The following CHD2 variants were observed in gnomAD, a reference collection of about 807,000 sequenced individuals.
CHD2 encodes the protein chromodomain helicase DNA binding protein 2.
Under a neutral mutation model 243.9 loss-of-function variants are expected in CHD2, and 28 were observed. That is an observed-to-expected ratio of 0.11 (90% CI 0.09 to 0.16). CHD2 has a LOEUF of 0.16. Ranked by LOEUF, CHD2 falls within the 10% of genes least tolerant of loss-of-function variation. CHD2 has a pLI of 1.00. For missense variants in CHD2, 1,386 were observed against 2,209.8 expected (o/e 0.63, Z 7.47); for synonymous variants, 775 against 779.0 (o/e 0.99, Z 0.09).
In CHD2 at chr15:92,998,486, T is replaced by A; in HGVS notation, c.3886-13T>A. 1 of 1,613,792 alleles carries A rather than the reference T, an allele frequency of 6.2e-7. No homozygotes were observed. Reference sequence around the variant, plus strand: ...GGGTGGTGGCGGGTGCTTCTCTTCCTTTCTTGTTGAAGATTCTGCCGGTGG... The same window carrying A: ...GGGTGGTGGCGGGTGCTTCTCTTCCATTCTTGTTGAAGATTCTGCCGGTGG... On this transcript the variant is annotated splice_polypyrimidine_tract_variant and intron_variant, in intron 30 of 38. Transcript: ENST00000394196. The surrounding 1 kb of genome is among the most constrained non-coding windows in gnomAD (Gnocchi z 5.1).
chr15:92,972,042 C>A, intron 18 of CHD2, 115 bp downstream of exon 18: 1 of 1,197,676 alleles, frequency 8.3e-7, no homozygotes, highest in Non-Finnish European at 1.2e-6. Context: ...TCAAAGGAAG[C>A]TTTAAAAATG....
intron 16 of CHD2, among the ~76,000 whole-genome samples, chr15:92,958,091 C>T (rs1184521571): frequency 1.3e-5 from 2 of 152,070 alleles, no homozygotes; most frequent in East Asian, 3.9e-4. Context: ...TTTGTGTGGA[C>T]ATATGTTTTT....
chr15:92,995,387 G>A (rs979677872), intron 28 of CHD2, among the ~76,000 whole-genome samples: 1 of 152,022 alleles, frequency 6.6e-6, no homozygotes, highest in Non-Finnish European at 1.5e-5. Flanking sequence ...TCTTGTTTTC[G>A]TTTTTTGTTC....
At chr15:93,023,298 G>C (rs1446558212) in intron 38 of CHD2, among the ~76,000 whole-genome samples, 1 of 152,184 alleles carries the variant, frequency 6.6e-6, no homozygotes. Flanking sequence ...TTTGTGTCTG[G>C]CTTCTTTCAC....
intron 27 of CHD2, 99 bp downstream of exon 27, chr15:92,991,616 G>T: frequency 3.9e-6 from 3 of 775,570 alleles, no homozygotes; most frequent in South Asian, 2.0e-5. Context: ...CTAATGCTGG[G>T]AACATTTTTT....
intron 2 of CHD2, among the ~76,000 whole-genome samples, chr15:92,912,471 C>G (rs2052755684): frequency 1.3e-5 from 2 of 152,230 alleles, no homozygotes; most frequent in African/African-American, 2.4e-5. Flanking sequence ...ATTCTCCTGC[C>G]TCAGCCTCCC....
At chr15:92,927,749 G>A (rs1454732718) in intron 4 of CHD2, among the ~76,000 whole-genome samples, 5 of 152,198 alleles carry the variant, frequency 3.3e-5, no homozygotes, top group Non-Finnish European at 5.9e-5. Flanking sequence ...TGAAAGAGGA[G>A]GGAGTGCTTA....
chr15:92,967,237 A>T (rs1652178794), intron 16 of CHD2, 88 bp from the exon 17 acceptor site: 1 of 916,486 alleles, frequency 1.1e-6, no homozygotes, highest in South Asian at 1.9e-5. Flanking sequence ...GTCTTTCCTT[A>T]TGGGAAAGAT....
At chr15:92,933,312 A>C (rs913396683) in intron 5 of CHD2, among the ~76,000 whole-genome samples, 1 of 152,210 alleles carries the variant, frequency 6.6e-6, no homozygotes, top group East Asian at 1.9e-4. Flanking sequence ...AGTGCATAAC[A>C]ATCTGTGTTT....
chr15:92,939,430 A>C, intron 6 of CHD2, 148 bp from the exon 7 acceptor site: 2,277 of 638,806 alleles, frequency 3.6e-3, no homozygotes, highest in Non-Finnish European at 5.0e-3. Context: ...TTCAGGGAGT[A>C]GGGCCCAAGA....
intron 10 of CHD2, chr15:92,945,454 T>G (rs1251221352): frequency 2.0e-5 from 3 of 149,610 alleles, no homozygotes; most frequent in African/African-American, 7.5e-5. Flanking sequence ...TGCAGTGGCG[T>G]GATCTCAGCT....
chr15:93,016,671 A>G (rs1285774785), intron 37 of CHD2, among the ~76,000 whole-genome samples: 1 of 150,688 alleles, frequency 6.6e-6, no homozygotes, highest in Non-Finnish European at 1.5e-5. Flanking sequence ...AGTCCCAGCT[A>G]CTTGGGAGGC....
intron 5 of CHD2, among the ~76,000 whole-genome samples, chr15:92,935,562 A>AT (rs1422615918): frequency 6.2e-4 from 95 of 152,226 alleles, no homozygotes; most frequent in Admixed American, 1.3e-3. Context: ...TATCTGAAGG[A>AT]CTAGCTGTTC....
chr15:92,994,258 T>C (rs1027541203), intron 28 of CHD2, among the ~76,000 whole-genome samples: 6 of 152,248 alleles, frequency 3.9e-5, no homozygotes, highest in African/African-American at 1.4e-4. Context: ...AGTATCTACT[T>C]CAAAGGATTT....
chr15:92,973,957 G>T (rs1204192876), intron 19 of CHD2: 2 of 152,226 alleles, frequency 1.3e-5, no homozygotes, highest in African/African-American at 2.4e-5. Flanking sequence ...TCACCTGTCA[G>T]TTGACTTGAG....
intron 34 of CHD2, 152 bp from the exon 35 acceptor site, chr15:93,008,993 C>A (rs1198365427): frequency 6.2e-6 from 5 of 807,694 alleles, no homozygotes; most frequent in South Asian, 1.9e-5. Flanking sequence ...TGAATACTTA[C>A]ACTTACTCCA....
At chr15:92,937,358 A>T (rs1414985486) in intron 5 of CHD2, among the ~76,000 whole-genome samples, 160 bp from the exon 6 acceptor site, 2 of 152,236 alleles carry the variant, frequency 1.3e-5, no homozygotes, top group African/African-American at 4.8e-5. Context: ...TCCAGGAAGG[A>T]TCACAATTCA....
intron 26 of CHD2, 134 bp downstream of exon 26, chr15:92,985,807 C>A: frequency 1.3e-6 from 1 of 795,692 alleles, no homozygotes; most frequent in Non-Finnish European, 1.9e-6. Flanking sequence ...AAGCTGGGTC[C>A]TGTCCCAGAT....
chr15:92,933,408 C>A (rs1404875778), intron 5 of CHD2, among the ~76,000 whole-genome samples: 1 of 152,138 alleles, frequency 6.6e-6, no homozygotes, highest in Non-Finnish European at 1.5e-5. Flanking sequence ...GTTTGCAGTT[C>A]TCATCTGGCC....
Sources: allele counts gnomAD v4.1 joint callset (sites outside exome capture counted in the v4.1 genomes callset), GRCh38; gene constraint gnomAD v4.1.1; non-coding constraint Gnocchi (gnomAD v3.1); transcripts MANE v1.5; gene names NCBI Gene and HGNC (gene_info 2026-07-23, HGNC 2026-07-21).